Variants in KHDRBS3 observed in about 807,000 individuals in gnomAD.
KHDRBS3 encodes KH RNA binding domain containing, signal transduction associated 3, also known as KH domain-containing, RNA-binding, signal transduction-associated protein 3.
A neutral mutation model predicts 45.6 loss-of-function variants in KHDRBS3; 23 were observed. That is an observed-to-expected ratio of 0.50 (90% CI 0.36 to 0.72). The LOEUF (loss-of-function observed/expected upper bound fraction) is 0.72, where lower values mean the gene tolerates loss of function less well. Ranked by LOEUF, KHDRBS3 falls within the 30% of genes least tolerant of loss-of-function variation. The pLI is 0.00. For missense variants in KHDRBS3, 352 were observed against 424.8 expected (o/e 0.83, Z 1.51); for synonymous variants, 162 against 156.5 (o/e 1.04, Z -0.26).
At chr8:135,628,260 C>T (rs140520339) in intron 7 of KHDRBS3, among the ~76,000 whole-genome samples, 50 of 152,252 alleles carry the variant, frequency 3.3e-4, no homozygotes, top group African/African-American at 1.1e-3. Context: ...CTAGACTCAA[C>T]ATGGTTTATC....
chr8:135,645,196 G>T, intron 8 of KHDRBS3, 79 bp downstream of exon 8: 1 of 1,454,612 alleles, frequency 6.9e-7, no homozygotes, highest in Non-Finnish European at 9.6e-7. Flanking sequence ...AATGGGAAGA[G>T]AATAAGGACA....
intron 1 of KHDRBS3, among the ~76,000 whole-genome samples, chr8:135,518,254 A>G (rs558280891): frequency 6.6e-6 from 1 of 152,106 alleles, no homozygotes; most frequent in African/African-American, 2.4e-5. Context: ...CCTCACTGCA[A>G]GCTCCGCCTC....
intron 1 of KHDRBS3, among the ~76,000 whole-genome samples, chr8:135,511,174 C>T (rs193241743): frequency 8.5e-5 from 13 of 152,282 alleles, no homozygotes; most frequent in African/African-American, 3.1e-4. Flanking sequence ...GGCTGGAATC[C>T]TGAATCTCTG....
At chr8:135,472,274 C>A (rs1442942898) in intron 1 of KHDRBS3, among the ~76,000 whole-genome samples, 1 of 152,158 alleles carries the variant, frequency 6.6e-6, no homozygotes, top group Non-Finnish European at 1.5e-5. Context: ...GGAAGAGTTA[C>A]TGGGCCCACG....
chr8:135,551,272 A>G (rs1033220487), intron 4 of KHDRBS3, among the ~76,000 whole-genome samples: 1 of 152,036 alleles, frequency 6.6e-6, no homozygotes, highest in African/African-American at 2.4e-5. Flanking sequence ...ATTCTATTCC[A>G]TTCCACTCCA....
chr8:135,586,317 A>C (rs1370370291), intron 6 of KHDRBS3, among the ~76,000 whole-genome samples: 1 of 78,930 alleles, frequency 1.3e-5, no homozygotes, highest in Non-Finnish European at 2.6e-5. Flanking sequence ...CAGTGCTTTA[A>C]AAAACAAAAC....
At chr8:135,619,653 T>C (rs1442023380) in intron 7 of KHDRBS3, among the ~76,000 whole-genome samples, 1 of 151,992 alleles carries the variant, frequency 6.6e-6, no homozygotes, top group Non-Finnish European at 1.5e-5. Context: ...TCGTAAATGC[T>C]ATCAATAGCT....
rs138402848 is a variant in KHDRBS3, at chr8:135,461,181, C to T, written c.88+3227C>T. 7.2e-5 allele frequency among the ~76,000 whole-genome samples: 11 copies of T among 152,274 alleles called. No individual in the cohort carries two copies. The East Asian group carries it at 9.6e-4, about 13-fold the overall frequency. ...GTGCAGTGACACAATCTAGGCTCAC[C>T]GTAACCTCTGCCTTCTGGGTTTGCG... On this transcript the variant is annotated intron_variant, in intron 1 of 8. Coordinates refer to ENST00000355849, the MANE Select transcript of KHDRBS3 (RefSeq NM_006558.3).
intron 5 of KHDRBS3, among the ~76,000 whole-genome samples, chr8:135,580,768 G>A (rs184564276): frequency 4.0e-5 from 6 of 151,840 alleles, no homozygotes; most frequent in East Asian, 1.9e-4. Context: ...ACACACCACC[G>A]TGCCCAGCTA....
chr8:135,521,118 CA>C (rs1277602696), intron 1 of KHDRBS3, 118 bp from the exon 2 acceptor site: 2 of 644,246 alleles, frequency 3.1e-6, no homozygotes, highest in Non-Finnish European at 5.6e-6. Context: ...ACATTTGCCT[CA>C]ATTTAATAGT....
intron 2 of KHDRBS3, among the ~76,000 whole-genome samples, chr8:135,535,356 ATAGT>A (rs1376059417): frequency 3.9e-4 from 28 of 72,010 alleles, no homozygotes; most frequent in African/African-American, 1.7e-3. Flanking sequence ...ACTATTATAT[ATAGT>A]TAAACTATAT....
intron 1 of KHDRBS3, among the ~76,000 whole-genome samples, chr8:135,476,429 A>G (rs1822288916): frequency 6.6e-6 from 1 of 152,154 alleles, no homozygotes; most frequent in African/African-American, 2.4e-5. Context: ...GGCATGAACC[A>G]CGGCGCCCGA....
intron 2 of KHDRBS3, among the ~76,000 whole-genome samples, chr8:135,533,965 G>A (rs1183062474): frequency 6.6e-6 from 1 of 152,032 alleles, no homozygotes; most frequent in Admixed American, 6.6e-5. Flanking sequence ...AAACCAGAAT[G>A]GTCGTATGGA....
At chr8:135,609,344 G>A (rs776624093) in intron 7 of KHDRBS3, among the ~76,000 whole-genome samples, 1 of 150,454 alleles carries the variant, frequency 6.6e-6, no homozygotes, top group South Asian at 2.1e-4. Flanking sequence ...ACCCAGGCTG[G>A]AATGCAGTGG....
At chr8:135,505,487 A>G (rs1358184315) in intron 1 of KHDRBS3, among the ~76,000 whole-genome samples, 4 of 152,176 alleles carry the variant, frequency 2.6e-5, no homozygotes, top group Non-Finnish European at 5.9e-5. Context: ...ACTATACTTC[A>G]GGAATTTACC....
intron 3 of KHDRBS3, among the ~76,000 whole-genome samples, chr8:135,547,970 A>G (rs1397886338): frequency 1.3e-5 from 2 of 152,204 alleles, no homozygotes; most frequent in East Asian, 1.9e-4. Flanking sequence ...GCATTTCCTT[A>G]TGGAAACAAA....
intron 7 of KHDRBS3, 39 bp downstream of exon 7, chr8:135,607,076 A>T: frequency 6.9e-7 from 1 of 1,459,110 alleles, no homozygotes; most frequent in Non-Finnish European, 9.6e-7. Flanking sequence ...CACAACAGAA[A>T]CCATCCCCTT....
chr8:135,474,584 G>A (rs1294025833), intron 1 of KHDRBS3, among the ~76,000 whole-genome samples: 2 of 152,296 alleles, frequency 1.3e-5, no homozygotes, highest in South Asian at 2.1e-4. Context: ...TTGAAATCAA[G>A]CACTGTTAAG....
At chr8:135,462,267 A>T in intron 1 of KHDRBS3, among the ~76,000 whole-genome samples, 4 of 148,102 alleles carry the variant, frequency 2.7e-5, no homozygotes, top group African/African-American at 5.0e-5. Flanking sequence ...AAATGCGATC[A>T]CTCACAGTGT....
Sources: gnomAD v4.1 joint callset for allele counts (sites outside exome capture counted in the v4.1 genomes callset) on GRCh38, gnomAD v4.1.1 for gene constraint, MANE v1.5 for transcripts, NCBI Gene and HGNC (gene_info 2026-07-23, HGNC 2026-07-21) for gene names.